FUS: variants seen among roughly 807,000 people sequenced by gnomAD.
FUS encodes the protein RNA-binding protein FUS.
Under a neutral mutation model 82.7 loss-of-function variants are expected in FUS, and 5 were observed. The ratio of observed to expected loss-of-function variants is 0.06; its 90% CI spans 0.03 to 0.13. The LOEUF (loss-of-function observed/expected upper bound fraction) is 0.13, where lower values mean the gene tolerates loss of function less well. Among genes scored for constraint, FUS ranks in the 10% least tolerant of loss-of-function variants. FUS has a pLI of 1.00. For missense variants in FUS, 512 were observed against 707.8 expected (o/e 0.72, Z 3.14); for synonymous variants, 281 against 247.4 (o/e 1.14, Z -1.27).
chr16:31,185,479 A>G (rs913872818), intron 6 of FUS: 4 of 627,614 alleles, frequency 6.4e-6, no homozygotes, highest in African/African-American at 5.3e-5. Flanking sequence ...ATCCTAGGCA[A>G]GAAACATGGA....
Position 31,189,814 on chromosome 16 carries a change from C to T in FUS, c.1066+20C>T, listed in dbSNP as rs1392013225. 23 of 1,613,722 alleles carry T rather than the reference C, an allele frequency of 1.4e-5. No homozygotes were observed. In the Admixed American group the frequency reaches 3.8e-4, roughly 27 times the overall value. ...TTGATGGTATGTATGAGAAGGCTGG[C>T]AGAGGTGGGGCTGGGGATATAGGGC... On this transcript the variant is annotated intron_variant, in intron 10 of 14. Coordinates refer to ENST00000254108, the MANE Select transcript of FUS (RefSeq NM_004960.4).
chr16:31,191,159 A>AT (rs2079351843), intron 14 of FUS, 49 bp downstream of exon 14: 1 of 1,602,924 alleles, frequency 6.2e-7, no homozygotes, highest in African/African-American at 1.3e-5. Context: ...AACAGAGGCC[A>AT]TAGGATAACA....
rs766964324 is a variant in FUS, at chr16:31,190,024, T to C, written c.1067-16T>C. ...TCTTGCATTTAAAGTCTGTTGATGA[T>C]TTTTTGTTTCTCTAGGTAAAGAATT... On this transcript the variant is annotated splice_polypyrimidine_tract_variant and intron_variant, in intron 10 of 14. Coordinates refer to ENST00000254108, the MANE Select transcript of FUS (RefSeq NM_004960.4). 83 of 1,603,252 alleles carry C rather than the reference T, an allele frequency of 5.2e-5. No homozygotes were observed. Among genetic ancestry groups the C allele is most frequent in the Non-Finnish European group, 7.0e-5 (82 of 1,173,920 alleles).
At chr16:31,184,798 G>C (rs1042472569) in intron 5 of FUS, 141 bp from the exon 6 acceptor site, 9 of 871,854 alleles carry the variant, frequency 1.0e-5, no homozygotes, top group African/African-American at 1.7e-5. Context: ...TTAAAAGAGG[G>C]TTCCTGTCTT....
chr16:31,182,300 C>G lies in FUS; in HGVS notation c.14-98C>G. On this transcript the variant is annotated intron_variant, in intron 1 of 14. Coordinates refer to ENST00000254108, the MANE Select transcript of FUS (RefSeq NM_004960.4). ...TCCACCGTGCCTGGCCTACGTGGTC[C>G]TTTTTATTCATCAGTGCTTGAGTTA... 8.3e-6 allele frequency: 12 copies of G among 1,448,728 alleles called. No individual in the cohort carries two copies. In the South Asian group the frequency reaches 1.3e-4, roughly 15 times the overall value. The allele number at this position is 1,448,728 out of a possible 1,614,324, so 89.7% of individuals were successfully genotyped here.
chr16:31,184,253 G>C lies in FUS; in HGVS notation c.380G>C (p.Ser127Thr). The change falls in exon 5 of 15, where the codon AGT becomes ACT. Residue 127 changes from serine (S) to threonine (T), a missense_variant. By Grantham distance (58) the Ser-to-Thr change is moderately conservative. Around this residue, in one of 6 missense-constraint regions of FUS, gnomAD observed 276 missense variants for 303.3 expected, o/e 0.91. Transcript: ENST00000254108. The part of the protein sequence containing the change: ...SQSSSYGQPQ[S>T]GSYSQQPSYG... ...AGCAGCAGCTATGGGCAGCCCCAGA[G>C]TGGGAGCTACAGCCAGCAGCCTAGC... is the stretch of plus-strand genomic sequence containing the variant. 1.2e-6 allele frequency: 2 copies of C among 1,614,142 alleles called. No individual in the cohort carries two copies. Among genetic ancestry groups the C allele is most frequent in the Non-Finnish European group, 1.7e-6 (2 of 1,180,018 alleles).
chr16:31,191,603 A>G lies in FUS; in HGVS notation c.*165A>G. 1 of 804,752 alleles carries G rather than the reference A, an allele frequency of 1.2e-6. No homozygotes were observed. Among genetic ancestry groups the G allele is most frequent in the Non-Finnish European group, 2.1e-6 (1 of 470,942 alleles). 49.9% of individuals were successfully genotyped at this position (804,752 alleles called of 1,614,324 possible). On this transcript the variant is annotated 3_prime_UTR_variant, in exon 15 of 15. Transcript: ENST00000254108. ...CCCATTAAAAGTGACCATTTTAGTTAAATTTTGTTCCTCTTCCCCCTTTTC... is the reference window on the plus strand; with the variant it reads ...CCCATTAAAAGTGACCATTTTAGTTGAATTTTGTTCCTCTTCCCCCTTTTC...
chr16:31,193,332 A>G (rs1355316211), downstream of FUS: 3 of 523,298 alleles, frequency 5.7e-6, no homozygotes, highest in African/African-American at 1.9e-5. Flanking sequence ...GGGCCTTCCC[A>G]GGCATTGCTT....
chr16:31,193,088 C>T (rs886051948), downstream of FUS: 13 of 483,160 alleles, frequency 2.7e-5, no homozygotes, highest in Non-Finnish European at 2.5e-5. Context: ...TACAGGCATG[C>T]GCCACCATGC....
intron 8 of FUS, 89 bp downstream of exon 8, chr16:31,188,446 C>T (rs1293288295): frequency 2.5e-5 from 35 of 1,425,570 alleles, no homozygotes; most frequent in Admixed American, 3.6e-5. Flanking sequence ...AAAAAGGAAA[C>T]TGAAAAAAAT....
In FUS at chr16:31,189,230, C is replaced by T. The variant is rs1417715659; in HGVS notation, c.936+4C>T. ...CAAGCAGATTGGTATTATTAAGGTA[C>T]TTGTGGAGAGGAGTGGGAGCTTTCT... On this transcript the variant is annotated splice_donor_region_variant and intron_variant, in intron 9 of 14. Transcript: ENST00000254108. 5 of 1,592,336 alleles carry T rather than the reference C, an allele frequency of 3.1e-6. No individual in the cohort carries two copies. The highest frequency in any genetic ancestry group is 4.3e-6 in the Non-Finnish European group (5 of 1,160,366).
At chr16:31,182,835 G>T (rs893767774) in intron 3 of FUS, 171 bp downstream of exon 3, 4 of 768,142 alleles carry the variant, frequency 5.2e-6, no homozygotes, top group Non-Finnish European at 8.8e-6. Flanking sequence ...TCCTGCCTCA[G>T]CCTCCTGAGT....
At chr16:31,186,985 C>T (rs1301476674) in intron 7 of FUS, 149 bp downstream of exon 7, 11 of 763,560 alleles carry the variant, frequency 1.4e-5, no homozygotes, top group Non-Finnish European at 2.3e-5. Flanking sequence ...AGAATGCCAC[C>T]TGTTGCCTGG....
intron 3 of FUS, 163 bp from the exon 4 acceptor site, chr16:31,183,695 G>T: frequency 2.4e-6 from 2 of 817,086 alleles, no homozygotes; most frequent in Non-Finnish European, 2.1e-6. Context: ...TTAAATTTAG[G>T]CTTTGAAAGG....
intron 1 of FUS, among the ~76,000 whole-genome samples, chr16:31,181,736 C>T (rs1452121581): frequency 1.3e-5 from 2 of 152,068 alleles, no homozygotes; most frequent in Non-Finnish European, 2.9e-5. Context: ...TGACTCCTGG[C>T]GATAATGGCT....
chr16:31,191,377 ATTTTTTT>A lies in FUS; in HGVS notation c.1542-11_1542-5del. The A allele has an allele frequency of 4.6e-6, 7 of 1,526,916 alleles. No individual in the cohort carries two copies. The highest frequency in any genetic ancestry group is 2.3e-5 in the South Asian group (2 of 87,204). 94.6% of individuals were successfully genotyped at this position (1,526,916 alleles called of 1,614,324 possible). A position where few individuals can be genotyped will look rare whatever the true frequency, so the allele number is the denominator to read the frequency against. On this transcript the variant is annotated splice_polypyrimidine_tract_variant and intron_variant, in intron 14 of 14. Coordinates refer to ENST00000254108, the MANE Select transcript of FUS (RefSeq NM_004960.4). ...GTAACTCAAATATAATGGATACTTA[ATTTTTTT>A]TTTTTTTTTTGCAGGGGTGAGCACA...
At chr16:31,184,147 A>T in intron 4 of FUS, 62 bp from the exon 5 acceptor site, 1 of 1,614,022 alleles carries the variant, frequency 6.2e-7, no homozygotes, top group Non-Finnish European at 8.5e-7. Context: ...CTCCACTAAA[A>T]GTGAAAGGAA....
intron 4 of FUS, 101 bp downstream of exon 4, chr16:31,184,103 G>GGT: frequency 6.2e-7 from 1 of 1,612,456 alleles, no homozygotes; most frequent in Non-Finnish European, 8.5e-7. Context: ...GTGTAATTGG[G>GGT]GTAGGGGAGC....
In FUS at chr16:31,182,489, C is replaced by A. The variant is rs373272889; in HGVS notation, c.39-24C>A. ...GGGTGGTCACGCCATGTTTTCTGAT[C>A]ACGCTGGTTTTCCTTTTATTTAGCT... is the stretch of plus-strand genomic sequence containing the variant. On this transcript the variant is annotated intron_variant, in intron 2 of 14. Transcript: ENST00000254108. The A allele has an allele frequency of 1.9e-6, 3 of 1,614,062 alleles. No homozygotes were observed. In the East Asian group the frequency reaches 6.7e-5, roughly 36 times the overall value.
Sources: gnomAD v4.1 joint callset for allele counts (sites outside exome capture counted in the v4.1 genomes callset) on GRCh38, gnomAD v4.1.1 for gene constraint, gnomAD v4.1.1 regional missense constraint, MANE v1.5 for transcripts, NCBI Gene and HGNC (gene_info 2026-07-23, HGNC 2026-07-21) for gene names.